The following RFC3 variants were observed in gnomAD, a reference collection of about 807,000 sequenced individuals.
The protein encoded by RFC3 is replication factor C subunit 3.
Under a neutral mutation model 45.1 loss-of-function variants are expected in RFC3, and 41 were observed. The ratio of observed to expected loss-of-function variants is 0.91; its 90% CI spans 0.71 to 1.18. RFC3 has a LOEUF of 1.18. RFC3 is among the 50% of genes most tolerant of loss of function. RFC3 has a pLI of 0.00. For missense variants in RFC3, 423 were observed against 428.1 expected, an observed-to-expected ratio of 0.99 and a Z score of 0.10; for synonymous variants, 149 against 144.0, an observed-to-expected ratio of 1.03 and a Z score of -0.25.
intron 8 of RFC3, among the ~76,000 whole-genome samples, chr13:33,885,613 T>A (rs950304824): frequency 1.3e-5 from 2 of 152,204 alleles, no homozygotes; most frequent in Non-Finnish European, 2.9e-5. Flanking sequence ...CTCAGAGGTG[T>A]CTTGATAGAA....
intron 8 of RFC3, among the ~76,000 whole-genome samples, chr13:33,934,964 C>T (rs2082877084): frequency 6.6e-6 from 1 of 152,078 alleles, no homozygotes; most frequent in African/African-American, 2.4e-5. Flanking sequence ...TGTGATGCAC[C>T]CTGCTGAACC....
At position 33,866,087 on chromosome 13, in the gene RFC3, T is replaced by C. The variant is rs116909541; in HGVS notation, c.879+30870T>C. ...AAAAACAAAACAAAATGAAACTCGG[T>C]GTACCATAGACTATGTCTACCAGAG... On this transcript the variant is annotated intron_variant, in intron 8 of 8. Coordinates refer to the RFC3 transcript ENST00000434425. Among the ~76,000 whole-genome samples, 12 of 152,162 alleles carry C rather than the reference T, an allele frequency of 7.9e-5. No individual in the cohort carries two copies. The East Asian group carries it at 1.9e-3, about 24-fold the overall frequency.
intron 8 of RFC3, among the ~76,000 whole-genome samples, chr13:33,895,200 A>G (rs746347492): frequency 1.3e-5 from 2 of 152,190 alleles, no homozygotes; most frequent in African/African-American, 2.4e-5. Flanking sequence ...ATAATCATCA[A>G]AGTAAACAGA....
chr13:33,878,715 A>G (rs190521634), intron 8 of RFC3, among the ~76,000 whole-genome samples: 3 of 152,212 alleles, frequency 2.0e-5, no homozygotes, highest in East Asian at 3.9e-4. Flanking sequence ...TTCATTCAGA[A>G]TAGATTTGCT....
intron 8 of RFC3, among the ~76,000 whole-genome samples, chr13:33,951,495 G>A (rs1423429758): frequency 2.6e-5 from 4 of 151,884 alleles, no homozygotes; most frequent in African/African-American, 9.7e-5. Context: ...CCTTTCAAAA[G>A]TGCTGGTATT....
At chr13:33,884,264 G>A (rs1446431846) in intron 8 of RFC3, among the ~76,000 whole-genome samples, 1 of 152,152 alleles carries the variant, frequency 6.6e-6, no homozygotes, top group Non-Finnish European at 1.5e-5. Flanking sequence ...TACTTGATTG[G>A]GTTCTGCGCT....
chr13:33,854,265 T>C (rs962001771), intron 8 of RFC3, among the ~76,000 whole-genome samples: 1 of 152,124 alleles, frequency 6.6e-6, no homozygotes, highest in South Asian at 2.1e-4. Flanking sequence ...AGAGTAGTTA[T>C]AAAAATAATT....
intron 8 of RFC3, among the ~76,000 whole-genome samples, chr13:33,875,860 C>T (rs1476835710): frequency 2.0e-5 from 3 of 152,090 alleles, no homozygotes; most frequent in Non-Finnish European, 4.4e-5. Context: ...CTTTTTGGCT[C>T]GGTGGCCTTG....
chr13:33,970,023 C>T (rs578034633), downstream of RFC3, among the ~76,000 whole-genome samples: 1 of 151,676 alleles, frequency 6.6e-6, no homozygotes, highest in African/African-American at 2.4e-5. Context: ...GCACAGATCA[C>T]CCCATAACCT....
chr13:33,834,412 T>C (rs2082134488), intron 7 of RFC3, among the ~76,000 whole-genome samples: 1 of 149,980 alleles, frequency 6.7e-6, no homozygotes, highest in East Asian at 1.9e-4. Flanking sequence ...TTTTCTGTTT[T>C]AAAACGTCAT....
chr13:33,975,555 T>TATTTAAATC, the RFC3 span, among the ~76,000 whole-genome samples: 2 of 152,184 alleles, frequency 1.3e-5, no homozygotes, highest in Non-Finnish European at 2.9e-5. Context: ...TCTTAAGAGG[T>TATTTAAATC]CTGGAAATCC....
intron 2 of RFC3, 129 bp downstream of exon 2, chr13:33,821,398 G>A: frequency 1.1e-6 from 1 of 907,368 alleles, no homozygotes; most frequent in Non-Finnish European, 1.7e-6. Flanking sequence ...GGTAGTCTTG[G>A]GGCACAGGAT....
chr13:33,839,622 C>G (rs1266539930), downstream of RFC3, among the ~76,000 whole-genome samples: 1 of 152,204 alleles, frequency 6.6e-6, no homozygotes, highest in Admixed American at 6.5e-5. Flanking sequence ...GTTCACTTCT[C>G]TACTTAACTG....
At chr13:33,882,475 A>G (rs1330127681) in intron 8 of RFC3, among the ~76,000 whole-genome samples, 1 of 152,166 alleles carries the variant, frequency 6.6e-6, no homozygotes, top group Non-Finnish European at 1.5e-5. Flanking sequence ...TGATTAGATT[A>G]TGAGGGTGGA....
chr13:33,827,036 A>T (rs2082056008), intron 4 of RFC3, among the ~76,000 whole-genome samples: 1 of 152,218 alleles, frequency 6.6e-6, no homozygotes, highest in Non-Finnish European at 1.5e-5. Flanking sequence ...TGTGTGTTAA[A>T]TATTGTCTGA....
At chr13:33,937,987 C>A (rs865960463) in intron 8 of RFC3, among the ~76,000 whole-genome samples, 1 of 151,952 alleles carries the variant, frequency 6.6e-6, no homozygotes, top group Non-Finnish European at 1.5e-5. Context: ...GCTTGCTTAT[C>A]CAGAAGATCA....
At chr13:33,909,548 T>C (rs925310446) in intron 8 of RFC3, among the ~76,000 whole-genome samples, 3 of 152,030 alleles carry the variant, frequency 2.0e-5, no homozygotes, top group Non-Finnish European at 4.4e-5. Context: ...CTCTCTCTCT[T>C]CTCTTTCTCC....
rs145473482 is a variant in RFC3, at chr13:33,874,754, A to T, written c.879+39537A>T. ...ATATACCTGGAAAATGACCCTCCAG[A>T]TGGTAAACCTAAATAAAATCCTTTG... On this transcript the variant is annotated intron_variant, in intron 8 of 8. Transcript: ENST00000434425. Among the ~76,000 whole-genome samples, 206 of 152,358 alleles carry T rather than the reference A, an allele frequency of 1.4e-3. 1 individual carries two copies. Among genetic ancestry groups the T allele is most frequent in the African/African-American group, 3.9e-3 (164 of 41,590 alleles).
chr13:33,857,495 C>T (rs1006989498), intron 8 of RFC3, among the ~76,000 whole-genome samples: 1 of 152,170 alleles, frequency 6.6e-6, no homozygotes, highest in South Asian at 2.1e-4. Flanking sequence ...CAATGCTCTC[C>T]CAAGGCAATC....
Sources: allele counts gnomAD v4.1 joint callset (sites outside exome capture counted in the v4.1 genomes callset), GRCh38; gene constraint gnomAD v4.1.1; transcripts MANE v1.5; gene names NCBI Gene and HGNC (gene_info 2026-07-23, HGNC 2026-07-21).